Variants in MAGI2 observed in about 807,000 individuals in gnomAD.
MAGI2 encodes membrane associated guanylate kinase, WW and PDZ domain containing 2, also known as membrane-associated guanylate kinase, WW and PDZ domain-containing protein 2.
A neutral mutation model predicts 133.3 loss-of-function variants in MAGI2; 35 were observed. The observed-to-expected ratio is 0.26, with a 90% CI of 0.20 to 0.35. The LOEUF (loss-of-function observed/expected upper bound fraction) is 0.35, where lower values mean the gene tolerates loss of function less well. MAGI2 is among the 10% of genes least tolerant of loss of function. MAGI2 has a pLI of 1.00. For missense variants in MAGI2, 1,636 were observed against 1,863.4 expected (o/e 0.88, Z 2.25); for synonymous variants, 729 against 710.6 (o/e 1.03, Z -0.41).
intron 21 of MAGI2, among the ~76,000 whole-genome samples, chr7:78,024,815 C>A (rs924723910): frequency 2.6e-5 from 4 of 151,918 alleles, no homozygotes; most frequent in Non-Finnish European, 4.4e-5. Context: ...GAACCACATA[C>A]CCTCCCCAGG....
At chr7:79,266,549 G>C (rs990048203) in intron 1 of MAGI2, among the ~76,000 whole-genome samples, 4 of 152,024 alleles carry the variant, frequency 2.6e-5, no homozygotes, top group Non-Finnish European at 5.9e-5. Flanking sequence ...AGCTAAAATA[G>C]GCAACTGCCC....
At chr7:78,295,885 G>A (rs1562774509) in intron 9 of MAGI2, among the ~76,000 whole-genome samples, 1 of 151,976 alleles carries the variant, frequency 6.6e-6, no homozygotes, top group South Asian at 2.1e-4. Context: ...AATTGGTACC[G>A]TTATTCAGGA....
intron 1 of MAGI2, among the ~76,000 whole-genome samples, chr7:79,091,940 A>T (rs924444778): frequency 5.3e-5 from 8 of 151,890 alleles, no homozygotes; most frequent in African/African-American, 1.7e-4. Context: ...GCCATATTTG[A>T]CTCATGGACC....
At chr7:78,669,341 A>G (rs147522401) in intron 2 of MAGI2, among the ~76,000 whole-genome samples, 75,447 of 150,600 alleles carry the variant, frequency 0.5, 18,936 homozygotes, top group Admixed American at 0.54. Flanking sequence ...TAAATTCCTC[A>G]ACACATACAC....
Position 78,836,813 on chromosome 7 carries a change from C to T in MAGI2, c.418+170277G>A, listed in dbSNP as rs146244394. 2.5e-3 allele frequency among the ~76,000 whole-genome samples: 374 copies of T among 152,218 alleles called. 4 individuals carry two copies. Among genetic ancestry groups the T allele is most frequent in the Middle Eastern group, 0.014 (4 of 294 alleles). ...ACCTTCAGATATTTAAGGTGCTGAA[C>T]CCTGTATGCCGATGCCCATAAACTC... On this transcript the variant is annotated intron_variant, in intron 2 of 21. Coordinates refer to ENST00000354212, the MANE Select transcript of MAGI2 (RefSeq NM_012301.4).
chr7:78,184,311 C>T (rs1050370424), intron 13 of MAGI2: 4 of 152,292 alleles, frequency 2.6e-5, no homozygotes, highest in African/African-American at 9.6e-5. Context: ...AATAATCATG[C>T]TGTAAAATTT....
At chr7:78,108,638 CTGTATG>C (rs749398886) in intron 20 of MAGI2, among the ~76,000 whole-genome samples, 1 of 90,100 alleles carries the variant, frequency 1.1e-5, no homozygotes, top group Middle Eastern at 5.1e-3. Flanking sequence ...CTCTCTCTCT[CTGTATG>C]TGTGTGTGTG....
At chr7:78,807,127 C>G (rs1788644567) in intron 2 of MAGI2, among the ~76,000 whole-genome samples, 1 of 151,906 alleles carries the variant, frequency 6.6e-6, no homozygotes, top group African/African-American at 2.4e-5. Context: ...AATCCAGAGA[C>G]AGTCAGCTAT....
chr7:79,158,679 A>G lies in MAGI2; in HGVS notation c.302-151473T>C, dbSNP rs113799377. ...TGGTATAAATACCCTAAATTTAACC[A>G]TAAGTTTTATTACTTAATACTTGAA... On this transcript the variant is annotated intron_variant, in intron 1 of 21. Coordinates refer to ENST00000354212, the MANE Select transcript of MAGI2 (RefSeq NM_012301.4). 5.3e-5 allele frequency among the ~76,000 whole-genome samples: 8 copies of G among 152,228 alleles called. 1 individual carries two copies. Among genetic ancestry groups the G allele is most frequent in the African/African-American group, 1.7e-4 (7 of 41,572 alleles).
At chr7:78,638,503 C>T (rs1809918191) in intron 2 of MAGI2, among the ~76,000 whole-genome samples, 1 of 152,200 alleles carries the variant, frequency 6.6e-6, no homozygotes, top group Admixed American at 6.5e-5. Context: ...CTTGCATTCA[C>T]AGTACAGAAT....
At chr7:79,138,203 A>G (rs928245299) in intron 1 of MAGI2, among the ~76,000 whole-genome samples, 1 of 152,078 alleles carries the variant, frequency 6.6e-6, no homozygotes, top group African/African-American at 2.4e-5. Context: ...AAGCCATTCC[A>G]TTTGTGGTAA....
intron 1 of MAGI2, among the ~76,000 whole-genome samples, chr7:79,400,791 G>A (rs1585846813): frequency 6.6e-6 from 1 of 152,000 alleles, no homozygotes; most frequent in African/African-American, 2.4e-5. Context: ...TATGTGGTAT[G>A]TCCTACATAC....
intron 6 of MAGI2, among the ~76,000 whole-genome samples, chr7:78,473,143 C>G (rs1791398680): frequency 6.6e-6 from 1 of 151,978 alleles, no homozygotes. Context: ...CAACAGATAC[C>G]CACAAAAGCA....
intron 14 of MAGI2, among the ~76,000 whole-genome samples, chr7:78,176,611 G>T (rs143928643): frequency 6.6e-6 from 1 of 152,076 alleles, no homozygotes. Flanking sequence ...AGTTTTAACC[G>T]TTTCAGATTC....
chr7:78,616,880 T>C (rs1807163263), intron 3 of MAGI2: 1 of 152,192 alleles, frequency 6.6e-6, no homozygotes, highest in African/African-American at 2.4e-5. Flanking sequence ...TGAGCACTGC[T>C]TAGGTGCCAG....
intron 1 of MAGI2, among the ~76,000 whole-genome samples, chr7:79,220,200 T>G (rs554339660): frequency 6.6e-6 from 1 of 152,032 alleles, no homozygotes; most frequent in South Asian, 2.1e-4. Flanking sequence ...CCTTACAGGA[T>G]GGTGATGTGG....
intron 2 of MAGI2, among the ~76,000 whole-genome samples, chr7:78,759,902 C>T (rs1444365854): frequency 1.3e-5 from 2 of 152,002 alleles, no homozygotes; most frequent in African/African-American, 4.8e-5. Flanking sequence ...GCCAAGTGGG[C>T]GGATCATGAG....
At chr7:79,212,173 C>T (rs1323438202) in intron 1 of MAGI2, among the ~76,000 whole-genome samples, 1 of 152,040 alleles carries the variant, frequency 6.6e-6, no homozygotes, top group African/African-American at 2.4e-5. Context: ...TTGGAGCGCT[C>T]TTTACATCAG....
chr7:78,298,365 ACGTT>A (rs370357507), intron 9 of MAGI2, among the ~76,000 whole-genome samples: 76 of 152,322 alleles, frequency 5.0e-4, no homozygotes, highest in African/African-American at 1.7e-3. Context: ...TAAAGTATAG[ACGTT>A]CGTTAGTTAA....
Sources: gnomAD v4.1 joint callset for allele counts (sites outside exome capture counted in the v4.1 genomes callset) on GRCh38, gnomAD v4.1.1 for gene constraint, MANE v1.5 for transcripts, NCBI Gene and HGNC (gene_info 2026-07-23, HGNC 2026-07-21) for gene names.